SKIC8: variants seen among roughly 807,000 people sequenced by gnomAD.
The protein encoded by SKIC8 is SKI8 subunit of superkiller complex.
At chr15:78,285,131 G>T in the SKIC8 span, 1 of 793,644 alleles carries the variant, frequency 1.3e-6, no homozygotes, top group Non-Finnish European at 2.1e-6. Context: ...TGACTGAGCA[G>T]ATAGAGCAGC....
At chr15:78,290,666 A>C in the SKIC8 span, 1 of 152,394 alleles carries the variant, frequency 6.6e-6, no homozygotes, top group African/African-American at 2.4e-5. Flanking sequence ...TTTTACCTTC[A>C]GATGAATTTA....
At chr15:78,286,103 G>A in the SKIC8 span, 62 of 1,613,572 alleles carry the variant, frequency 3.8e-5, no homozygotes, top group African/African-American at 5.1e-4. Flanking sequence ...AGGCATGGCC[G>A]CTCAGCGTGC....
the SKIC8 span, chr15:78,295,324 C>T: frequency 4.3e-5 from 24 of 561,200 alleles, no homozygotes; most frequent in Middle Eastern, 9.5e-4. Context: ...AACACACAGC[C>T]TGCCTAACCG....
At chr15:78,297,334 G>GA in the SKIC8 span, among the ~76,000 whole-genome samples, 1 of 152,296 alleles carries the variant, frequency 6.6e-6, no homozygotes, top group African/African-American at 2.4e-5. Flanking sequence ...TTTTTCACGT[G>GA]AAAAAATGTC....
At chr15:78,291,087 C>G in the SKIC8 span, 1 of 152,132 alleles carries the variant, frequency 6.6e-6, no homozygotes, top group East Asian at 1.9e-4. Flanking sequence ...CACACCTGGC[C>G]TCTTCTTTTT....
the SKIC8 span, chr15:78,284,972 C>T: frequency 1.1e-5 from 4 of 378,278 alleles, no homozygotes; most frequent in Non-Finnish European, 1.9e-5. Context: ...ACACCAGCTG[C>T]AGCAATTTCC....
the SKIC8 span, among the ~76,000 whole-genome samples, chr15:78,296,870 CACA>C: frequency 6.6e-6 from 1 of 152,144 alleles, no homozygotes; most frequent in African/African-American, 2.4e-5. Context: ...TCTCATTATT[CACA>C]ACAATTATGT....
At chr15:78,287,545 G>A in the SKIC8 span, among the ~76,000 whole-genome samples, 1 of 152,184 alleles carries the variant, frequency 6.6e-6, no homozygotes, top group Non-Finnish European at 1.5e-5. Flanking sequence ...TAAGGTTGGA[G>A]TGTGATATGT....
At chr15:78,284,508 C>T in the SKIC8 span, 3 of 152,150 alleles carry the variant, frequency 2.0e-5, no homozygotes, top group African/African-American at 4.8e-5. Flanking sequence ...TTTTTATGCT[C>T]AGTTCCCCAA....
the SKIC8 span, chr15:78,285,689 T>C: frequency 4.5e-6 from 2 of 441,196 alleles, no homozygotes; most frequent in Non-Finnish European, 8.1e-6. Context: ...GCTTTCCAAC[T>C]GTCTTGGCCA....
At chr15:78,283,604 A>T in the SKIC8 span, 54 of 1,096,618 alleles carry the variant, frequency 4.9e-5, no homozygotes, top group Middle Eastern at 2.6e-4. Flanking sequence ...TTTTCTCGTT[A>T]TTCTGAATCT....
chr15:78,296,895 G>A, the SKIC8 span, among the ~76,000 whole-genome samples: 7 of 152,258 alleles, frequency 4.6e-5, no homozygotes, highest in Non-Finnish European at 1.5e-5. Flanking sequence ...CTATGAAGTC[G>A]CTACAGACAC....
At chr15:78,288,633 A>G in the SKIC8 span, among the ~76,000 whole-genome samples, 1 of 152,170 alleles carries the variant, frequency 6.6e-6, no homozygotes, top group Non-Finnish European at 1.5e-5. Flanking sequence ...ATTGCTTTAA[A>G]TAACTTTTCT....
the SKIC8 span, chr15:78,292,626 A>G: frequency 1.2e-6 from 2 of 1,614,196 alleles, no homozygotes; most frequent in Admixed American, 3.3e-5. Context: ...CAGGTCCTGC[A>G]TCTATGGACT....
chr15:78,293,033 C>T, the SKIC8 span: 1 of 834,548 alleles, frequency 1.2e-6, no homozygotes, highest in Non-Finnish European at 1.9e-6. Flanking sequence ...AAATAAGCTG[C>T]TGTTTTATAC....
chr15:78,295,529 G>A, the SKIC8 span: 1 of 987,046 alleles, frequency 1.0e-6, no homozygotes, highest in Non-Finnish European at 1.6e-6. Context: ...TAACACTGTG[G>A]TGACTAGGTA....
chr15:78,284,214 T>C, the SKIC8 span: 2 of 152,184 alleles, frequency 1.3e-5, no homozygotes, highest in Non-Finnish European at 2.9e-5. Context: ...TTGGGCTGCA[T>C]GATGGCCTTT....
At chr15:78,293,129 A>G in the SKIC8 span, 1 of 1,583,614 alleles carries the variant, frequency 6.3e-7, no homozygotes, top group East Asian at 2.2e-5. Flanking sequence ...CTCAGCCCCC[A>G]ATTTTCCAAG....
At chr15:78,296,364 C>T in the SKIC8 span, among the ~76,000 whole-genome samples, 1 of 151,728 alleles carries the variant, frequency 6.6e-6, no homozygotes, top group Non-Finnish European at 1.5e-5. Flanking sequence ...TGAAATTGTG[C>T]CACTGAACTC....
Sources: allele counts gnomAD v4.1 joint callset (sites outside exome capture counted in the v4.1 genomes callset), GRCh38; gene constraint gnomAD v4.1.1; transcripts MANE v1.5; gene names NCBI Gene and HGNC (gene_info 2026-07-23, HGNC 2026-07-21).